Variants in TMEM230 observed in about 807,000 individuals in gnomAD.
TMEM230 encodes transmembrane protein 230.
TMEM230 carries 10 observed loss-of-function variants against 15.8 expected under a neutral mutation model. That is an observed-to-expected ratio of 0.63 (90% CI 0.39 to 1.07). The LOEUF (loss-of-function observed/expected upper bound fraction) is 1.07, where lower values mean the gene tolerates loss of function less well. TMEM230 is among the 50% of genes least tolerant of loss of function. The pLI is 0.01. For missense variants in TMEM230, 165 were observed against 193.3 expected, an observed-to-expected ratio of 0.85 and a Z score of 0.87; for synonymous variants, 67 against 76.9, an observed-to-expected ratio of 0.87 and a Z score of 0.68.
intron 3 of TMEM230, among the ~76,000 whole-genome samples, chr20:5,084,365 A>C (rs2089272692): frequency 6.6e-6 from 1 of 151,394 alleles, no homozygotes; most frequent in African/African-American, 2.4e-5. Context: ...CTGGGACTAC[A>C]GGCGTACGCC....
chr20:5,080,107 T>G (rs552403739), intron 3 of TMEM230, among the ~76,000 whole-genome samples: 2 of 152,338 alleles, frequency 1.3e-5, no homozygotes, highest in South Asian at 4.1e-4. Flanking sequence ...AATGAGACAA[T>G]GTTCCTAAAT....
intron 3 of TMEM230, among the ~76,000 whole-genome samples, chr20:5,094,283 T>C (rs2089599663): frequency 6.6e-6 from 1 of 152,006 alleles, no homozygotes; most frequent in South Asian, 2.1e-4. Context: ...TCTCACTCTG[T>C]TGCCCAGGCT....
At chr20:5,095,702 G>A (rs370289116), downstream of TMEM230, among the ~76,000 whole-genome samples, 1 of 152,130 alleles carries the variant, frequency 6.6e-6, no homozygotes, top group African/African-American at 2.4e-5. Flanking sequence ...CTCAGACACT[G>A]ACATGCAACT....
downstream of TMEM230, among the ~76,000 whole-genome samples, chr20:5,065,093 T>C (rs2088639274): frequency 6.6e-6 from 1 of 151,198 alleles, no homozygotes. Context: ...AGATGAAAAA[T>C]ATAGGAAGGC....
rs777726849 is a variant in TMEM230, at chr20:5,076,377, T to A, written c.223-7028A>T. Among the ~76,000 whole-genome samples the A allele has an allele frequency of 2.7e-4, 41 of 151,892 alleles. 1 individual carries two copies. The highest frequency in any genetic ancestry group is 3.2e-4 in the Non-Finnish European group (22 of 67,950). ...CAACATGGCGAAACCCCGTCTCTAC[T>A]AAAAATACAAAAAATTACCCAGGCA... On this transcript the variant is annotated intron_variant, in intron 3 of 3. Transcript: ENST00000612323.
At chr20:5,097,210 A>G (rs1222109769), downstream of TMEM230, among the ~76,000 whole-genome samples, 6 of 152,296 alleles carry the variant, frequency 3.9e-5, no homozygotes, top group South Asian at 2.1e-4. Flanking sequence ...CCCCAGTCCT[A>G]TATTTTCCTG....
intron 3 of TMEM230, among the ~76,000 whole-genome samples, chr20:5,076,610 A>T (rs900330391): frequency 1.3e-5 from 2 of 151,746 alleles, no homozygotes; most frequent in Non-Finnish European, 2.9e-5. Flanking sequence ...TTTGTCTGTT[A>T]TGTAACAGGC....
downstream of TMEM230, chr20:5,067,933 A>T (rs948144090): frequency 2.0e-5 from 3 of 151,488 alleles, no homozygotes; most frequent in African/African-American, 4.9e-5. Context: ...CTATTTTTAA[A>T]ATTTTTTTGT....
At chr20:5,073,682 T>G (rs2088899693) in intron 3 of TMEM230, among the ~76,000 whole-genome samples, 3 of 152,226 alleles carry the variant, frequency 2.0e-5, no homozygotes. Flanking sequence ...GAACAACGGC[T>G]TCCTCTCTCT....
chr20:5,091,089 C>T (rs182148857), intron 3 of TMEM230, among the ~76,000 whole-genome samples: 17 of 152,266 alleles, frequency 1.1e-4, no homozygotes, highest in Admixed American at 7.8e-4. Context: ...GCCTTGAACT[C>T]GTGGACTCAA....
chr20:5,082,922 G>GTTTTTTTTTTTTTTTTTTTT (rs140284230), intron 3 of TMEM230, among the ~76,000 whole-genome samples: 5 of 127,252 alleles, frequency 3.9e-5, no homozygotes, highest in Non-Finnish European at 4.9e-5. Context: ...TCTTCATATT[G>GTTTTTTTTTTTTTTTTTTTT]TTTTTTTTTT....
chr20:5,084,117 T>C (rs916070901), intron 3 of TMEM230, among the ~76,000 whole-genome samples: 1 of 152,152 alleles, frequency 6.6e-6, no homozygotes. Context: ...TGGTATTTGG[T>C]TTTCTGTTCC....
chr20:5,107,808 T>C (rs2090154549), intron 3 of TMEM230, among the ~76,000 whole-genome samples: 1 of 131,694 alleles, frequency 7.6e-6, no homozygotes, highest in African/African-American at 2.8e-5. Context: ...AGCAAGACCC[T>C]GTCTCAAAAA....
chr20:5,104,313 G>A (rs1460499072), intron 4 of TMEM230, among the ~76,000 whole-genome samples: 2 of 152,286 alleles, frequency 1.3e-5, no homozygotes, highest in East Asian at 3.9e-4. Context: ...TCCTGCCTCG[G>A]CCTCCAAAAG....
intron 3 of TMEM230, among the ~76,000 whole-genome samples, chr20:5,071,507 C>T (rs2088823745): frequency 1.3e-5 from 2 of 151,706 alleles, no homozygotes; most frequent in South Asian, 4.2e-4. Flanking sequence ...CCTGTAATCC[C>T]AGCTACTTGG....
At chr20:5,085,026 A>G (rs956417650) in intron 3 of TMEM230, among the ~76,000 whole-genome samples, 2 of 152,158 alleles carry the variant, frequency 1.3e-5, no homozygotes, top group African/African-American at 2.4e-5. Context: ...TTATTTTTAA[A>G]AAGTCCACTT....
intron 3 of TMEM230, among the ~76,000 whole-genome samples, chr20:5,072,610 A>G (rs1007065831): frequency 6.6e-6 from 1 of 152,004 alleles, no homozygotes; most frequent in Non-Finnish European, 1.5e-5. Context: ...GCACTTTGGG[A>G]GGCTGAGGTG....
chr20:5,070,932 T>C (rs1359553455), intron 3 of TMEM230, among the ~76,000 whole-genome samples: 2 of 152,174 alleles, frequency 1.3e-5, no homozygotes, highest in East Asian at 3.9e-4. Context: ...TTTTTTTGGT[T>C]GCTCTGAAAC....
chr20:5,096,600 G>C (rs1273051326), downstream of TMEM230, among the ~76,000 whole-genome samples: 2 of 152,226 alleles, frequency 1.3e-5, no homozygotes, highest in Admixed American at 1.3e-4. Context: ...TCCTGTGCCA[G>C]CTGGTACAGG....
Sources: allele counts gnomAD v4.1 joint callset (sites outside exome capture counted in the v4.1 genomes callset), GRCh38; gene constraint gnomAD v4.1.1; transcripts MANE v1.5; gene names NCBI Gene and HGNC (gene_info 2026-07-23, HGNC 2026-07-21).